SKOR1: variants seen among roughly 807,000 people sequenced by gnomAD.
SKOR1 encodes SKI family transcriptional corepressor 1, also known as LBX1 corepressor 1.
SKOR1 carries 38 observed loss-of-function variants against 72.4 expected under a neutral mutation model. That is an observed-to-expected ratio of 0.52 (90% CI 0.40 to 0.69). The LOEUF (loss-of-function observed/expected upper bound fraction) is 0.69, where lower values mean the gene tolerates loss of function less well. Ranked by LOEUF, SKOR1 falls within the 30% of genes least tolerant of loss-of-function variation. The pLI is 0.00. For synonymous variants in SKOR1, 642 were observed against 599.4 expected (o/e 1.07, Z -1.04); for missense variants, 1,320 against 1,343.2 (o/e 0.98, Z 0.27).
chr15:67,830,859 G>T lies in SKOR1; in HGVS notation c.2557G>T (p.Val853Leu), dbSNP rs1291154629. 1.2e-6 allele frequency: 2 copies of T among 1,614,058 alleles called. No homozygotes were observed. Among genetic ancestry groups the T allele is most frequent in the Non-Finnish European group, 1.7e-6 (2 of 1,180,046 alleles). Residue 853 changes from valine to leucine, a missense_variant, in exon 5 of 9, where the codon GTG (valine) becomes TTG (leucine). By Grantham distance (32) the Val-to-Leu change is conservative. Transcript: ENST00000380035. Reference sequence around the variant, plus strand: ...CTTGGATGTCACAGGAACTCATTTGGTGGAGAAAGATATCGAGAACCTGGC... The same window carrying T: ...CTTGGATGTCACAGGAACTCATTTGTTGGAGAAAGATATCGAGAACCTGGC... ...LTLDVTGTHL[V>L]EKDIENLARE... is the part of the protein sequence containing the mutation.
chr15:67,828,264 C>G, intron 2 of SKOR1, 120 bp downstream of exon 2: 2 of 1,342,138 alleles, frequency 1.5e-6, no homozygotes, highest in African/African-American at 1.5e-5. Context: ...CAGCAGGCCT[C>G]GGCCACTCTC....
intron 5 of SKOR1, among the ~76,000 whole-genome samples, chr15:67,831,653 T>C (rs992557447): frequency 6.6e-6 from 1 of 152,078 alleles, no homozygotes; most frequent in African/African-American, 2.4e-5. Context: ...AGCCCATAGA[T>C]GGTCTTGGGA....
Position 67,831,631 on chromosome 15 carries a change from TGCCCCTCAACTA to T in SKOR1, c.2588-638_2588-627del, listed in dbSNP as rs1408955837. Among the ~76,000 whole-genome samples, 19 of 152,306 alleles carry T rather than the reference TGCCCCTCAACTA, an allele frequency of 1.2e-4. 1 individual carries two copies. The highest frequency in any genetic ancestry group is 4.6e-4 in the African/African-American group (19 of 41,550). On this transcript the variant is annotated intron_variant, in intron 5 of 8. Transcript: ENST00000380035. ...ACAGAGGCCTCTACACCTAGCTCCC[TGCCCCTCAACTA>T]GCCCATAGATGGTCTTGGGAATTTG...
chr15:67,827,098 G>T lies in SKOR1; in HGVS notation c.1270G>T (p.Gly424Cys). 1 of 1,462,146 alleles carries T rather than the reference G, an allele frequency of 6.8e-7. No individual in the cohort carries two copies. The highest frequency in any genetic ancestry group is 2.6e-5 in the East Asian group (1 of 38,028). The allele number at this position is 1,462,146 out of a possible 1,614,324, so 90.6% of individuals were successfully genotyped here. ...LGAGEPKGGP[G>C]TGSGGGGAGT... ...CGCGGGCGAGCCAAAGGGCGGTCCT[G>T]GCACTGGGAGCGGCGGCGGCGGCGC... is the stretch of plus-strand genomic sequence containing the variant. Residue 424 changes from glycine to cysteine, a missense_variant, in exon 2 of 9, where the codon GGC becomes TGC. Coordinates refer to ENST00000380035, the MANE Select transcript of SKOR1 (RefSeq NM_001365915.1).
At position 67,832,744 on chromosome 15, in the gene SKOR1, G is replaced by A; in HGVS notation, c.2737+63G>A. ...AACTGCCTCTCGTCTGGCAGGAGCC[G>A]CAATGTTGGCTCAGTCATTTGGATT... On this transcript the variant is annotated intron_variant, in intron 7 of 8. Transcript: ENST00000380035. The surrounding 1 kb of genome is among the most constrained non-coding windows in gnomAD (Gnocchi z 4.5). 7 of 1,297,256 alleles carry A rather than the reference G, an allele frequency of 5.4e-6. No individual in the cohort carries two copies. Among genetic ancestry groups the A allele is most frequent in the African/African-American group, 1.5e-5 (1 of 68,538 alleles). The allele number at this position is 1,297,256 out of a possible 1,614,324, so 80.4% of individuals were successfully genotyped here.
intron 5 of SKOR1, among the ~76,000 whole-genome samples, chr15:67,831,907 G>GT (rs893741622): frequency 1.3e-5 from 2 of 148,446 alleles, no homozygotes; most frequent in African/African-American, 2.6e-5. Flanking sequence ...GCGGTGCGGG[G>GT]GGGGGAGGTC....
rs562880605 is a variant in SKOR1, at chr15:67,829,810, C to G, written c.2408-381C>G. Among the ~76,000 whole-genome samples the G allele has an allele frequency of 3.9e-5, 6 of 152,372 alleles. No homozygotes were observed. The East Asian group carries it at 9.6e-4, about 24-fold the overall frequency. Reference sequence around the variant, plus strand: ...GCAGCCGAACCCCGGACGATGTCCCCCCACCCACCCCGAAGGTCGCAGCCT... The same window carrying G: ...GCAGCCGAACCCCGGACGATGTCCCGCCACCCACCCCGAAGGTCGCAGCCT... On this transcript the variant is annotated intron_variant, in intron 3 of 8. Transcript: ENST00000380035.
At position 67,826,743 on chromosome 15, in the gene SKOR1, T is replaced by G. The variant is rs1294423160; in HGVS notation, c.915T>G (p.Gly305=). 3.3e-6 allele frequency: 5 copies of G among 1,536,386 alleles called. No homozygotes were observed. The highest frequency in any genetic ancestry group is 4.4e-6 in the Non-Finnish European group (5 of 1,145,848). ...GGQGKGGAGG[G]GGGGPGCGAE... ...AGGGGAAGGGTGGTGCTGGCGGCGG[T>G]GGCGGCGGTGGCCCAGGGTGCGGTG... The change falls in exon 2 of 9, where the codon GGT becomes GGG. Residue 305 remains glycine (G), a synonymous_variant. Transcript: ENST00000380035.
At position 67,832,013 on chromosome 15, in the gene SKOR1, C is replaced by CAA. The variant is rs1187061408; in HGVS notation, c.2588-260_2588-259insAA. Reference sequence around the variant, plus strand: ...TTAGGGAGTGAGGAACAACTTAAAGCAGTTGCCCAGCTGCATAGTTCCTGG... The same window carrying CAA: ...TTAGGGAGTGAGGAACAACTTAAAGCAAAGTTGCCCAGCTGCATAGTTCCTGG... On this transcript the variant is annotated intron_variant, in intron 5 of 8. Coordinates refer to ENST00000380035, the MANE Select transcript of SKOR1 (RefSeq NM_001365915.1). This position sits in a 1 kb window ranked among gnomAD's most constrained non-coding sequence, Gnocchi z 4.5. 6.6e-6 allele frequency among the ~76,000 whole-genome samples: 1 copy of CAA among 151,980 alleles called. No individual in the cohort carries two copies. The highest frequency in any genetic ancestry group is 2.4e-5 in the African/African-American group (1 of 41,290).
chr15:67,833,385 A>G lies in SKOR1; in HGVS notation c.2803+128A>G. On this transcript the variant is annotated intron_variant, in intron 8 of 8. Transcript: ENST00000380035. The surrounding 1 kb of genome is among the most constrained non-coding windows in gnomAD (Gnocchi z 6.0). ...GTGGATCAGGATCTGTGAGGGAGAA[A>G]AGTGGGAACTGATTTTAACGGGAAG... The G allele has an allele frequency of 1.0e-6, 1 of 983,220 alleles. No homozygotes were observed. Among genetic ancestry groups the G allele is most frequent in the Non-Finnish European group, 1.6e-6 (1 of 626,834 alleles). The allele number at this position is 983,220 out of a possible 1,614,324, so 60.9% of individuals were successfully genotyped here.
chr15:67,832,360 C>A lies in SKOR1; in HGVS notation c.2662+12C>A. 1.2e-6 allele frequency: 2 copies of A among 1,613,662 alleles called. No homozygotes were observed. Among genetic ancestry groups the A allele is most frequent in the South Asian group, 2.2e-5 (2 of 91,070 alleles). On this transcript the variant is annotated intron_variant, in intron 6 of 8. Coordinates refer to ENST00000380035, the MANE Select transcript of SKOR1 (RefSeq NM_001365915.1). The surrounding 1 kb of genome is among the most constrained non-coding windows in gnomAD (Gnocchi z 4.5). ...TCAGAGTCTCAAAGGTACCCACTGCCATCCTGCCTCACCCCACCTCATCAC... is the reference window on the plus strand; with the variant it reads ...TCAGAGTCTCAAAGGTACCCACTGCAATCCTGCCTCACCCCACCTCATCAC...
At position 67,832,905 on chromosome 15, in the gene SKOR1, G is replaced by A. The variant is rs563905566; in HGVS notation, c.2737+224G>A. Reference sequence around the variant, plus strand: ...TGGAGTGATTGAACTTCTTATCGCGGCAATTTCCATGGTTTCTAAATTAAA... The same window carrying A: ...TGGAGTGATTGAACTTCTTATCGCGACAATTTCCATGGTTTCTAAATTAAA... On this transcript the variant is annotated intron_variant, in intron 7 of 8. Transcript: ENST00000380035. This position sits in a 1 kb window ranked among gnomAD's most constrained non-coding sequence, Gnocchi z 4.5. The A allele has an allele frequency of 2.2e-4, 130 of 598,148 alleles. No individual in the cohort carries two copies. Among genetic ancestry groups the A allele is most frequent in the Middle Eastern group, 1.3e-3 (3 of 2,248 alleles). The allele number at this position is 598,148 out of a possible 1,614,324, so 37.1% of individuals were successfully genotyped here. A position where few individuals can be genotyped will look rare whatever the true frequency, so the allele number is the denominator to read the frequency against.
chr15:67,829,256 C>T lies in SKOR1; in HGVS notation c.2394C>T (p.Thr798=). ...GGCCCGCGGCCTCCTACGTCTGCAC[C>T]CCCGAGGCCCACGGTAACGCCTGTC... ...ALGPAASYVC[T]PEAHEPDKED... Residue 798 remains threonine, a synonymous_variant, in exon 3 of 9, where the codon ACC becomes ACT. Coordinates refer to ENST00000380035, the MANE Select transcript of SKOR1 (RefSeq NM_001365915.1). 3 of 1,557,234 alleles carry T rather than the reference C, an allele frequency of 1.9e-6. No individual in the cohort carries two copies. Among genetic ancestry groups the T allele is most frequent in the Non-Finnish European group, 1.7e-6 (2 of 1,158,712 alleles).
rs1325501549 is a variant in SKOR1, at chr15:67,833,462, G to A, written c.2803+205G>A. On this transcript the variant is annotated intron_variant, in intron 8 of 8. Transcript: ENST00000380035. This position sits in a 1 kb window ranked among gnomAD's most constrained non-coding sequence, Gnocchi z 6.0. ...AGAAAGAGCCCCTTGGGCTTTGGAC[G>A]TCAGAAAAATCTGCCTTCTATTACC... Among the ~76,000 whole-genome samples, 1 of 152,326 alleles carries A rather than the reference G, an allele frequency of 6.6e-6. No homozygotes were observed. The highest frequency in any genetic ancestry group is 2.4e-5 in the African/African-American group (1 of 41,566).
Position 67,827,293 on chromosome 15 carries a change from C to T in SKOR1, c.1465C>T (p.Pro489Ser), listed in dbSNP as rs963692748. The change falls in exon 2 of 9, where the codon CCC (proline) becomes TCC (serine). Residue 489 changes from proline to serine, a missense_variant. Around this residue, in one of 3 missense-constraint regions of SKOR1, gnomAD observed 1,099 missense variants for 1,025.5 expected, o/e 1.07. Transcript: ENST00000380035. ...AAAATVYPTFPMFWPAAGSLP... is the reference protein window; with the variant it reads ...AAAATVYPTFSMFWPAAGSLP... The stretch of plus-strand genomic sequence containing the variant: ...CGCCGCCACTGTGTACCCGACGTTT[C>T]CCATGTTCTGGCCAGCAGCAGGCAG... 1.9e-6 allele frequency: 3 copies of T among 1,589,348 alleles called. No individual in the cohort carries two copies. The highest frequency in any genetic ancestry group is 2.7e-5 in the African/African-American group (2 of 73,322).
Position 67,826,752 on chromosome 15 carries a change from T to C in SKOR1, c.924T>C (p.Gly308=), listed in dbSNP as rs957198820. The change falls in exon 2 of 9, where the codon GGT becomes GGC. Residue 308 remains glycine, a synonymous_variant. Transcript: ENST00000380035. The part of the protein sequence containing the change: ...GKGGAGGGGG[G]GPGCGAEMAP... ...GTGGTGCTGGCGGCGGTGGCGGCGG[T>C]GGCCCAGGGTGCGGTGCAGAGATGG... 22 of 1,534,584 alleles carry C rather than the reference T, an allele frequency of 1.4e-5. No individual in the cohort carries two copies. Among genetic ancestry groups the C allele is most frequent in the Non-Finnish European group, 1.8e-5 (21 of 1,145,424 alleles).
intron 3 of SKOR1, among the ~76,000 whole-genome samples, chr15:67,829,689 C>T (rs1203072658): frequency 3.3e-5 from 5 of 152,230 alleles, no homozygotes; most frequent in Non-Finnish European, 5.9e-5. Flanking sequence ...AGCTGAGGCC[C>T]ATCGCGGGGT....
At position 67,832,306 on chromosome 15, in the gene SKOR1, G is replaced by A. The variant is rs780493275; in HGVS notation, c.2620G>A (p.Glu874Lys). ...ELQKLLLEQM[E>K]LRKKLEREFQ... ...GCAAAAACTGCTCCTGGAACAAATGGAGCTCCGCAAGAAGCTGGAACGGGA... is the reference window on the plus strand; with the variant it reads ...GCAAAAACTGCTCCTGGAACAAATGAAGCTCCGCAAGAAGCTGGAACGGGA... The change falls in exon 6 of 9, where the codon GAG (glutamate) becomes AAG (lysine). Residue 874 changes from glutamate (E) to lysine (K), a missense_variant. Transcript: ENST00000380035. The surrounding 1 kb of genome is among the most constrained non-coding windows in gnomAD (Gnocchi z 4.5). 1.2e-6 allele frequency: 2 copies of A among 1,614,092 alleles called. No individual in the cohort carries two copies. Among genetic ancestry groups the A allele is most frequent in the Non-Finnish European group, 1.7e-6 (2 of 1,180,026 alleles).
In SKOR1 at chr15:67,832,841, G is replaced by C; in HGVS notation, c.2737+160G>C. 1 of 649,268 alleles carries C rather than the reference G, an allele frequency of 1.5e-6. No homozygotes were observed. The highest frequency in any genetic ancestry group is 2.6e-6 in the Non-Finnish European group (1 of 379,438). 40.2% of individuals were successfully genotyped at this position (649,268 alleles called of 1,614,324 possible). A position where few individuals can be genotyped will look rare whatever the true frequency, so the allele number is the denominator to read the frequency against. On this transcript the variant is annotated intron_variant, in intron 7 of 8. Transcript: ENST00000380035. The surrounding 1 kb of genome is among the most constrained non-coding windows in gnomAD (Gnocchi z 4.5). ...GTATACTCTGATTAGCCTCAGAATG[G>C]CAAGCGAGCCCAGCAAACGGCTTGC...
Sources: gnomAD v4.1 joint callset for allele counts (sites outside exome capture counted in the v4.1 genomes callset) on GRCh38, gnomAD v4.1.1 for gene constraint, gnomAD v4.1.1 regional missense constraint, Gnocchi (gnomAD v3.1) non-coding constraint, MANE v1.5 for transcripts, NCBI Gene and HGNC (gene_info 2026-07-23, HGNC 2026-07-21) for gene names.